Variants in CDH12 observed in about 807,000 individuals in gnomAD.
CDH12 encodes cadherin 12, also known as cadherin-12.
A neutral mutation model predicts 74.1 loss-of-function variants in CDH12; 41 were observed. The ratio of observed to expected loss-of-function variants is 0.55; its 90% CI spans 0.43 to 0.72. The LOEUF (loss-of-function observed/expected upper bound fraction) is 0.72. Among genes scored for constraint, CDH12 ranks in the 30% least tolerant of loss-of-function variants. The pLI, the probability that CDH12 is intolerant of heterozygous loss-of-function variation, is 0.00. For missense variants in CDH12, 945 were observed against 977.2 expected (o/e 0.97, Z 0.44); for synonymous variants, 399 against 355.0 (o/e 1.12, Z -1.39).
At chr5:22,396,072 G>C (rs1742443805) in intron 3 of CDH12, among the ~76,000 whole-genome samples, 2 of 152,208 alleles carry the variant, frequency 1.3e-5, no homozygotes, top group African/African-American at 4.8e-5. Context: ...TATCAATGAT[G>C]ATTGGGCTGC....
chr5:22,032,058 G>A (rs554368768), intron 5 of CDH12, among the ~76,000 whole-genome samples: 1 of 151,426 alleles, frequency 6.6e-6, no homozygotes, highest in South Asian at 2.1e-4. Flanking sequence ...GCTCAATAAA[G>A]TGAAATACAA....
At chr5:22,616,533 T>G (rs1156402736) in intron 1 of CDH12, among the ~76,000 whole-genome samples, 1 of 152,130 alleles carries the variant, frequency 6.6e-6, no homozygotes, top group African/African-American at 2.4e-5. Flanking sequence ...TCTACATTTA[T>G]TTCTCTGCTT....
At chr5:22,758,345 G>A (rs535109908) in intron 1 of CDH12, among the ~76,000 whole-genome samples, 48 of 152,040 alleles carry the variant, frequency 3.2e-4, no homozygotes, top group Non-Finnish European at 5.4e-4. Context: ...CCCTTCTGGC[G>A]AAGCATCTCT....
At chr5:21,812,515 AATAT>A (rs1747803978) in intron 9 of CDH12, among the ~76,000 whole-genome samples, 1 of 152,268 alleles carries the variant, frequency 6.6e-6, no homozygotes, top group South Asian at 2.1e-4. Flanking sequence ...GAACTTATTG[AATAT>A]ATGCTTGAGT....
At chr5:22,295,961 T>C (rs1436626000) in intron 3 of CDH12, among the ~76,000 whole-genome samples, 1 of 152,064 alleles carries the variant, frequency 6.6e-6, no homozygotes, top group Non-Finnish European at 1.5e-5. Flanking sequence ...AGGTATTGTG[T>C]ACACATATAA....
intron 3 of CDH12, among the ~76,000 whole-genome samples, chr5:22,365,315 G>A (rs1311604273): frequency 2.0e-5 from 3 of 152,112 alleles, no homozygotes; most frequent in Non-Finnish European, 2.9e-5. Context: ...AAATGCTACT[G>A]TTCTAGTAAA....
chr5:22,781,644 C>A (rs969591176), intron 1 of CDH12, among the ~76,000 whole-genome samples: 1 of 152,126 alleles, frequency 6.6e-6, no homozygotes, highest in Non-Finnish European at 1.5e-5. Flanking sequence ...ACTGCAATTG[C>A]CCCCTAATAG....
At chr5:22,162,509 TA>T (rs1350145548) in intron 4 of CDH12, among the ~76,000 whole-genome samples, 4 of 152,156 alleles carry the variant, frequency 2.6e-5, no homozygotes, top group Non-Finnish European at 5.9e-5. Flanking sequence ...CTGGGGAGAA[TA>T]CAACGTCAAG....
In CDH12 at chr5:22,765,601, G is replaced by T. The variant is rs199902834; in HGVS notation, c.-523+87457C>A. Among the ~76,000 whole-genome samples the T allele has an allele frequency of 2.0e-5, 3 of 152,026 alleles. No homozygotes were observed. In the East Asian group the frequency reaches 5.8e-4, roughly 29 times the overall value. ...TTTAACAATGTTTAAATCAAGTGGT[G>T]CATACACTTGGATGTGAACACATCA... On this transcript the variant is annotated intron_variant, in intron 1 of 14. Transcript: ENST00000382254.
At chr5:21,812,456 C>G (rs1415712451) in intron 9 of CDH12, among the ~76,000 whole-genome samples, 1 of 152,014 alleles carries the variant, frequency 6.6e-6, no homozygotes, top group Non-Finnish European at 1.5e-5. Flanking sequence ...TGAGATACAC[C>G]TAATTCTTTA....
intron 1 of CDH12, among the ~76,000 whole-genome samples, chr5:22,623,756 T>G (rs987299992): frequency 6.6e-6 from 1 of 152,138 alleles, no homozygotes; most frequent in Non-Finnish European, 1.5e-5. Context: ...AATTTATAGA[T>G]TCAATACCAT....
intron 5 of CDH12, among the ~76,000 whole-genome samples, chr5:22,062,874 T>G (rs1449212047): frequency 1.3e-5 from 2 of 152,068 alleles, no homozygotes; most frequent in Non-Finnish European, 2.9e-5. Flanking sequence ...GAATCACAAA[T>G]GAACAGGAAT....
intron 4 of CDH12, among the ~76,000 whole-genome samples, chr5:22,117,520 T>TAC (rs1745239588): frequency 1.3e-4 from 12 of 90,642 alleles, no homozygotes; most frequent in Middle Eastern, 5.1e-3. Flanking sequence ...ATAATATATA[T>TAC]ATAATATATA....
At chr5:22,749,369 G>A (rs541804248) in intron 1 of CDH12, among the ~76,000 whole-genome samples, 2 of 152,264 alleles carry the variant, frequency 1.3e-5, no homozygotes, top group Admixed American at 1.3e-4. Context: ...TACTAAGGTG[G>A]GGCAACATTT....
intron 8 of CDH12, among the ~76,000 whole-genome samples, chr5:21,824,932 T>A (rs1418720094): frequency 1.3e-5 from 2 of 152,052 alleles, no homozygotes; most frequent in Admixed American, 6.5e-5. Flanking sequence ...GAGGGGCCGA[T>A]CACCTGAGCT....
chr5:22,284,666 C>T (rs1737056650), intron 3 of CDH12, among the ~76,000 whole-genome samples: 1 of 152,038 alleles, frequency 6.6e-6, no homozygotes, highest in Admixed American at 6.6e-5. Flanking sequence ...TTGTCATATT[C>T]TGTTGTTTAG....
chr5:22,280,263 G>T (rs571982605), intron 3 of CDH12, among the ~76,000 whole-genome samples: 90 of 152,036 alleles, frequency 5.9e-4, no homozygotes, highest in Middle Eastern at 3.4e-3. Context: ...GCCCACAAGA[G>T]AAAGCAGAAA....
chr5:22,153,886 A>ATT, intron 4 of CDH12, among the ~76,000 whole-genome samples: 1 of 63,050 alleles, frequency 1.6e-5, no homozygotes, highest in African/African-American at 4.8e-5. Flanking sequence ...ATATATATAT[A>ATT]TAAATATATA....
At chr5:21,791,553 G>A (rs1014957589) in intron 10 of CDH12, among the ~76,000 whole-genome samples, 1 of 151,888 alleles carries the variant, frequency 6.6e-6, no homozygotes, top group African/African-American at 2.4e-5. Context: ...TAAACAGAAA[G>A]TATGTTTGAC....
Sources: allele counts gnomAD v4.1 joint callset (sites outside exome capture counted in the v4.1 genomes callset), GRCh38; gene constraint gnomAD v4.1.1; transcripts MANE v1.5; gene names NCBI Gene and HGNC (gene_info 2026-07-23, HGNC 2026-07-21).